Variants in ZNF804B observed in about 807,000 individuals in gnomAD.
The protein encoded by ZNF804B is zinc finger protein 804B.
ZNF804B carries 80 observed loss-of-function variants against 101.4 expected under a neutral mutation model. The ratio of observed to expected loss-of-function variants is 0.79; its 90% confidence interval spans 0.66 to 0.95. The LOEUF is 0.95. ZNF804B is among the 40% of genes least tolerant of loss of function. The probability of loss-of-function intolerance (pLI) is 0.00; values close to 1 mark genes in which losing one functional copy is unlikely to be tolerated. For missense variants in ZNF804B, 1,673 were observed against 1,561.9 expected (o/e 1.07, Z -1.20); for synonymous variants, 622 against 558.8 (o/e 1.11, Z -1.59).
chr7:89,076,941 C>T (rs1789623079), intron 1 of ZNF804B, among the ~76,000 whole-genome samples: 1 of 152,142 alleles, frequency 6.6e-6, no homozygotes, highest in South Asian at 2.1e-4. Context: ...GGGTGGCCCA[C>T]ATAGGCAAGT....
At chr7:88,895,447 G>A (rs1050028521) in intron 1 of ZNF804B, among the ~76,000 whole-genome samples, 2 of 152,142 alleles carry the variant, frequency 1.3e-5, no homozygotes. Context: ...AATATTTATA[G>A]GTATGTGCTA....
intron 1 of ZNF804B, among the ~76,000 whole-genome samples, chr7:88,796,147 C>A (rs1160502857): frequency 6.6e-6 from 1 of 152,000 alleles, no homozygotes; most frequent in East Asian, 1.9e-4. Context: ...AAAATTGTGT[C>A]TTAAGAGATG....
At chr7:89,070,444 T>C (rs544689039) in intron 1 of ZNF804B, among the ~76,000 whole-genome samples, 1 of 152,208 alleles carries the variant, frequency 6.6e-6, no homozygotes, top group South Asian at 2.1e-4. Context: ...CAGAATGATG[T>C]AATAACACTG....
intron 1 of ZNF804B, among the ~76,000 whole-genome samples, chr7:88,917,270 A>G (rs943263651): frequency 6.6e-6 from 1 of 152,106 alleles, no homozygotes; most frequent in Non-Finnish European, 1.5e-5. Context: ...GTCTCAAAAA[A>G]AAACTAAAAA....
chr7:89,246,901 C>T (rs1171669933), intron 2 of ZNF804B, among the ~76,000 whole-genome samples: 2 of 152,072 alleles, frequency 1.3e-5, no homozygotes, highest in African/African-American at 4.8e-5. Flanking sequence ...TGCATGGGTG[C>T]CATCTCTGCT....
chr7:89,155,991 CCTT>C (rs1425005135), intron 1 of ZNF804B, among the ~76,000 whole-genome samples: 2 of 126,770 alleles, frequency 1.6e-5, no homozygotes, highest in Admixed American at 8.5e-5. Flanking sequence ...TCCTTCCTTT[CCTT>C]CTTTCTTTCT....
chr7:89,189,667 A>G (rs929663765), intron 1 of ZNF804B, among the ~76,000 whole-genome samples: 6 of 152,174 alleles, frequency 3.9e-5, no homozygotes, highest in African/African-American at 1.4e-4. Flanking sequence ...ATTTGTGGTG[A>G]CAGTCTAGAG....
At chr7:89,331,768 A>AGAAT (rs1790986863) in intron 3 of ZNF804B, among the ~76,000 whole-genome samples, 2 of 151,636 alleles carry the variant, frequency 1.3e-5, no homozygotes, top group Non-Finnish European at 3.0e-5. Context: ...GAACTATAGA[A>AGAAT]AAAGACTGAA....
At chr7:88,811,760 G>A (rs1207962091) in intron 1 of ZNF804B, among the ~76,000 whole-genome samples, 2 of 152,118 alleles carry the variant, frequency 1.3e-5, no homozygotes, top group Non-Finnish European at 2.9e-5. Context: ...TTCATAAGTA[G>A]GAGCTGAACA....
intron 1 of ZNF804B, among the ~76,000 whole-genome samples, chr7:88,960,718 T>C (rs2116088944): frequency 6.6e-6 from 1 of 151,518 alleles, no homozygotes; most frequent in East Asian, 2.0e-4. Flanking sequence ...CTTTCTGAAA[T>C]ATAGTACTGA....
intron 1 of ZNF804B, among the ~76,000 whole-genome samples, chr7:88,762,846 CAAT>C (rs1789919938): frequency 6.6e-6 from 1 of 151,974 alleles, no homozygotes. Context: ...CTAAGATTTC[CAAT>C]ACTTCAACTT....
intron 1 of ZNF804B, among the ~76,000 whole-genome samples, chr7:88,929,131 CTCTT>C (rs1231722097): frequency 6.6e-6 from 1 of 151,858 alleles, no homozygotes; most frequent in African/African-American, 2.4e-5. Flanking sequence ...TAGATAAGCT[CTCTT>C]TATCATATAC....
At chr7:88,771,348 T>C (rs1790058135) in intron 1 of ZNF804B, among the ~76,000 whole-genome samples, 1 of 152,112 alleles carries the variant, frequency 6.6e-6, no homozygotes, top group Non-Finnish European at 1.5e-5. Flanking sequence ...ATTTTTAATT[T>C]TTGTATTAAA....
At chr7:88,898,974 T>C (rs7787653) in intron 1 of ZNF804B, among the ~76,000 whole-genome samples, 71,776 of 151,546 alleles carry the variant, frequency 0.47, 19,601 homozygotes, top group African/African-American at 0.76. Context: ...CTAGAGCCAA[T>C]CAGAGCCAAC....
At chr7:89,299,820 T>C (rs566440556) in intron 2 of ZNF804B, among the ~76,000 whole-genome samples, 2 of 152,050 alleles carry the variant, frequency 1.3e-5, no homozygotes, top group Non-Finnish European at 2.9e-5. Context: ...ATACATATAT[T>C]AGGACCTTCT....
intron 1 of ZNF804B, among the ~76,000 whole-genome samples, chr7:89,118,017 TAAG>T (rs1790336748): frequency 6.6e-6 from 1 of 152,156 alleles, no homozygotes; most frequent in South Asian, 2.1e-4. Context: ...TTTGTATCTG[TAAG>T]AAGGTTTCTA....
intron 2 of ZNF804B, among the ~76,000 whole-genome samples, chr7:89,226,866 T>G (rs1226856906): frequency 2.0e-5 from 3 of 152,170 alleles, no homozygotes; most frequent in Non-Finnish European, 4.4e-5. Context: ...TGCCTATTAC[T>G]CATTCTTTCC....
rs1791367989 is a variant in ZNF804B at position 88,846,015 on chromosome 7, G to A, written c.108+85931G>A. ...AGTCTGAGATCTTATTTAAATCTCT[G>A]ACTTTGGAATATCACCAGCTTTCAG... On this transcript the variant is annotated intron_variant, in intron 1 of 3. Coordinates refer to ENST00000333190, the MANE Select transcript of ZNF804B (RefSeq NM_181646.5). Among the ~76,000 whole-genome samples, 4 of 152,316 alleles carry A rather than the reference G, an allele frequency of 2.6e-5. No homozygotes were observed. In the South Asian group the frequency reaches 6.2e-4, roughly 24 times the overall value.
intron 2 of ZNF804B, among the ~76,000 whole-genome samples, chr7:89,253,430 A>T (rs927380219): frequency 6.6e-6 from 1 of 152,190 alleles, no homozygotes; most frequent in Non-Finnish European, 1.5e-5. Flanking sequence ...TATTGATGTT[A>T]TGCAGCTAAT....
Sources: gnomAD v4.1 joint callset for allele counts (sites outside exome capture counted in the v4.1 genomes callset) on GRCh38, gnomAD v4.1.1 for gene constraint, MANE v1.5 for transcripts, NCBI Gene and HGNC (gene_info 2026-07-23, HGNC 2026-07-21) for gene names.